The following LEMD2 variants were observed in gnomAD, a reference collection of about 807,000 sequenced individuals.
The protein encoded by LEMD2 is LEM domain-containing protein 2.
In LEMD2, 34 loss-of-function variants were observed where a neutral mutation model predicts 58.8. The ratio of observed to expected loss-of-function variants is 0.58; its 90% CI spans 0.44 to 0.77. LEMD2 has a LOEUF of 0.77. Among genes scored for constraint, LEMD2 ranks in the 30% least tolerant of loss-of-function variants. The pLI is 0.00. For synonymous variants in LEMD2, 298 were observed against 308.9 expected, an observed-to-expected ratio of 0.96 and a Z score of 0.37; for missense variants, 629 against 717.9, an observed-to-expected ratio of 0.88 and a Z score of 1.42.
In LEMD2 at chr6:33,788,937, C is replaced by T. The variant is rs1767756133; in HGVS notation, c.180G>A (p.Glu60=). The T allele has an allele frequency of 1.3e-6, 2 of 1,502,208 alleles. No homozygotes were observed. The highest frequency in any genetic ancestry group is 1.8e-6 in the Non-Finnish European group (2 of 1,133,574). 93.1% of individuals were successfully genotyped at this position (1,502,208 alleles called of 1,614,324 possible). ...GTAACCGGGCCTCTTCCCGTAACCG[C>T]TCCTCGCCCCGCGGCCGGGCCTCCT... The part of the protein sequence containing the change: ...LREEARPRGE[E]RLREEARLRE... Residue 60 remains glutamate (E), a synonymous_variant, in exon 1 of 9, where the codon GAG becomes GAA. Transcript: ENST00000293760.
intron 5 of LEMD2, 191 bp downstream of exon 5, chr6:33,779,909 T>A: frequency 1.8e-6 from 1 of 566,974 alleles, no homozygotes; most frequent in Non-Finnish European, 3.2e-6. Context: ...TTGAAGCTGC[T>A]CCTTACACTG....
At position 33,780,126 on chromosome 6, in the gene LEMD2, C is replaced by T. The variant is rs777052297; in HGVS notation, c.984G>A (p.Leu328=). ...AKFEAALTWI[L]SSNKDVGIWL... is the part of the protein sequence containing the mutation. ...AGATGCCCACGTCCTTGTTACTGCT[C>T]AGTATCCAGGTCAGTGCGGCTTCAA... Residue 328 remains leucine, a synonymous_variant, in exon 5 of 9, where the codon CTG becomes CTA. Coordinates refer to ENST00000293760, the MANE Select transcript of LEMD2 (RefSeq NM_181336.4). 1 of 1,595,470 alleles carries T rather than the reference C, an allele frequency of 6.3e-7. No homozygotes were observed. The highest frequency in any genetic ancestry group is 8.5e-7 in the Non-Finnish European group (1 of 1,169,950).
At chr6:33,783,569 C>G (rs1360245636) in intron 3 of LEMD2, among the ~76,000 whole-genome samples, 1 of 152,252 alleles carries the variant, frequency 6.6e-6, no homozygotes, top group Non-Finnish European at 1.5e-5. Flanking sequence ...TGCTGATATT[C>G]ACCTATGTCA....
chr6:33,782,903 G>GC (rs1561926231), intron 3 of LEMD2, among the ~76,000 whole-genome samples: 1 of 152,248 alleles, frequency 6.6e-6, no homozygotes, highest in East Asian at 1.9e-4. Context: ...CTTCAAGGCG[G>GC]CCCCCCAGGC....
Position 33,778,519 on chromosome 6 carries a change from G to T in LEMD2, c.1011-132C>A. On this transcript the variant is annotated intron_variant, in intron 5 of 8. Coordinates refer to ENST00000293760, the MANE Select transcript of LEMD2 (RefSeq NM_181336.4). This position sits in a 1 kb window ranked among gnomAD's most constrained non-coding sequence, Gnocchi z 4.7. ...TCTACTTGCTTATAGAATAGGCTTG[G>T]TATCCTGGCTGCATTCTTTCCAGAA... is the stretch of plus-strand genomic sequence containing the variant. 1 of 611,966 alleles carries T rather than the reference G, an allele frequency of 1.6e-6. No individual in the cohort carries two copies. The highest frequency in any genetic ancestry group is 2.6e-6 in the Non-Finnish European group (1 of 385,368). The allele number at this position is 611,966 out of a possible 1,614,324, so 37.9% of individuals were successfully genotyped here.
chr6:33,788,727 C>G lies in LEMD2; in HGVS notation c.390G>C (p.Arg130Ser). Reference protein sequence around the residue: ...LAYPARPAQLRRRASVRGSSE... With the variant: ...LAYPARPAQLSRRASVRGSSE... ...AGCTGCCCCGGACCGAGGCGCGGCG[C>G]CTGAGTTGCGCCGGGCGGGCAGGAT... The change falls in exon 1 of 9, where the codon AGG becomes AGC. Residue 130 changes from arginine (R) to serine (S), a missense_variant. Transcript: ENST00000293760. 7.0e-7 allele frequency: 1 copy of G among 1,425,454 alleles called. No individual in the cohort carries two copies. Among genetic ancestry groups the G allele is most frequent in the South Asian group, 1.4e-5 (1 of 71,720 alleles). 88.3% of individuals were successfully genotyped at this position (1,425,454 alleles called of 1,614,324 possible).
chr6:33,773,764 A>G (rs1477102027), intron 8 of LEMD2, among the ~76,000 whole-genome samples: 2 of 152,208 alleles, frequency 1.3e-5, no homozygotes, highest in Admixed American at 1.3e-4. Context: ...TTGAGTGGGC[A>G]GTGTCTCACT....
rs1767503472 is a variant in LEMD2, at chr6:33,778,988, C to A, written c.1011-601G>T. ...AGGTGGGGACACCAGAGCCTTCTTC[C>A]AGCTAGGTGACCCAGGGCGAGAATA... On this transcript the variant is annotated intron_variant, in intron 5 of 8. Coordinates refer to ENST00000293760, the MANE Select transcript of LEMD2 (RefSeq NM_181336.4). The surrounding 1 kb of genome is among the most constrained non-coding windows in gnomAD (Gnocchi z 4.7). 6.6e-6 allele frequency: 1 copy of A among 152,194 alleles called. No homozygotes were observed. Among genetic ancestry groups the A allele is most frequent in the South Asian group, 2.1e-4 (1 of 4,832 alleles). 9.4% of individuals were successfully genotyped at this position (152,194 alleles called of 1,614,324 possible).
chr6:33,775,850 C>T (rs1213805330), intron 8 of LEMD2, among the ~76,000 whole-genome samples: 1 of 152,192 alleles, frequency 6.6e-6, no homozygotes. Flanking sequence ...CTGTGGAGAG[C>T]TCCAAGTAGT....
chr6:33,781,260 T>C (rs904493992), intron 3 of LEMD2, 107 bp from the exon 4 acceptor site: 5 of 713,094 alleles, frequency 7.0e-6, no homozygotes, highest in Non-Finnish European at 1.2e-5. Flanking sequence ...AAGGAGCATG[T>C]TGCCCAGCGG....
At chr6:33,780,070 A>G (rs1236777188) in intron 5 of LEMD2, 30 bp downstream of exon 5, 1 of 1,548,400 alleles carries the variant, frequency 6.5e-7, no homozygotes, top group Admixed American at 1.9e-5. Context: ...GCAGGCACCC[A>G]TGCTGCGTCG....
intron 8 of LEMD2, among the ~76,000 whole-genome samples, chr6:33,775,138 C>T (rs1259665253): frequency 6.6e-6 from 1 of 152,134 alleles, no homozygotes; most frequent in Non-Finnish European, 1.5e-5. Flanking sequence ...GTTTGAGTAC[C>T]CCAAGTCACC....
chr6:33,784,890 C>T (rs921720972), intron 2 of LEMD2, among the ~76,000 whole-genome samples: 3 of 152,268 alleles, frequency 2.0e-5, no homozygotes, highest in South Asian at 2.1e-4. Context: ...TCTCGTCTCC[C>T]GTTAGGTGGA....
At position 33,778,576 on chromosome 6, in the gene LEMD2, A is replaced by C; in HGVS notation, c.1011-189T>G. The C allele has an allele frequency of 2.3e-6, 1 of 425,966 alleles. No individual in the cohort carries two copies. The highest frequency in any genetic ancestry group is 4.1e-6 in the Non-Finnish European group (1 of 244,584). 26.4% of individuals were successfully genotyped at this position (425,966 alleles called of 1,614,324 possible). On this transcript the variant is annotated intron_variant, in intron 5 of 8. Coordinates refer to ENST00000293760, the MANE Select transcript of LEMD2 (RefSeq NM_181336.4). This position sits in a 1 kb window ranked among gnomAD's most constrained non-coding sequence, Gnocchi z 4.7. The stretch of plus-strand genomic sequence containing the variant: ...CACATTGGCTACTTAGAATGAATAA[A>C]GCTTTAAAGACGGCAGCAGGCTTGA...
chr6:33,772,236 G>A lies in LEMD2; in HGVS notation c.*392C>T, dbSNP rs1004968777. ...CAAGCTGCTCCCCATCCCGCCACCC[G>A]AAACACCATCCCTGCCCCACCTCCC... is the stretch of plus-strand genomic sequence containing the variant. On this transcript the variant is annotated 3_prime_UTR_variant, in exon 9 of 9. Transcript: ENST00000293760. 2.4e-5 allele frequency: 4 copies of A among 166,744 alleles called. No individual in the cohort carries two copies. The East Asian group carries it at 7.2e-4, about 30-fold the overall frequency. The allele number at this position is 166,744 out of a possible 1,614,324, so 10.3% of individuals were successfully genotyped here.
chr6:33,778,410 G>A lies in LEMD2; in HGVS notation c.1011-23C>T, dbSNP rs764961180. The A allele has an allele frequency of 6.8e-7, 1 of 1,468,258 alleles. No individual in the cohort carries two copies. The highest frequency in any genetic ancestry group is 1.5e-5 in the South Asian group (1 of 68,834). The allele number at this position is 1,468,258 out of a possible 1,614,324, so 91.0% of individuals were successfully genotyped here. On this transcript the variant is annotated intron_variant, in intron 5 of 8. Coordinates refer to ENST00000293760, the MANE Select transcript of LEMD2 (RefSeq NM_181336.4). This position sits in a 1 kb window ranked among gnomAD's most constrained non-coding sequence, Gnocchi z 4.7. ...AACCTGAAACAGGACACAGGGCTCT[G>A]AACATGTTGGAAAGCTCCAAGGAGA...
rs1247499893 is a variant in LEMD2 at position 33,788,673 on chromosome 6, G to C, written c.444C>G (p.Pro148=). 2 of 1,330,632 alleles carry C rather than the reference G, an allele frequency of 1.5e-6. No individual in the cohort carries two copies. The highest frequency in any genetic ancestry group is 9.6e-7 in the Non-Finnish European group (1 of 1,040,796). 82.4% of individuals were successfully genotyped at this position (1,330,632 alleles called of 1,614,324 possible). The change falls in exon 1 of 9, where the codon CCC becomes CCG. Residue 148 remains proline (P), a synonymous_variant. Transcript: ENST00000293760. ...GACCCGGGCCCTGCGTGGCCCTGTC[G>C]GGCGTCCGGGCGTCCTCGTCCTCCT... is the stretch of plus-strand genomic sequence containing the variant. The part of the protein sequence containing the change: ...SSEEDEDART[P]DRATQGPGLA...
chr6:33,781,247 A>G (rs139228474), intron 3 of LEMD2, 94 bp from the exon 4 acceptor site: 6 of 784,998 alleles, frequency 7.6e-6, no homozygotes, highest in African/African-American at 3.4e-5. Flanking sequence ...CATCAGCTCT[A>G]ATAAGGAGCA....
At chr6:33,787,044 C>A (rs188587993) in intron 1 of LEMD2, 148 of 511,010 alleles carry the variant, frequency 2.9e-4, no homozygotes, top group African/African-American at 2.7e-3. Context: ...CCACTCTGAA[C>A]CTCTGTCTCC....
Sources: allele counts gnomAD v4.1 joint callset (sites outside exome capture counted in the v4.1 genomes callset), GRCh38; gene constraint gnomAD v4.1.1; non-coding constraint Gnocchi (gnomAD v3.1); transcripts MANE v1.5; gene names NCBI Gene and HGNC (gene_info 2026-07-23, HGNC 2026-07-21).